WDFY1: variants seen among roughly 807,000 people sequenced by gnomAD.
The protein encoded by WDFY1 is WD repeat and FYVE domain containing 1, also known as WD repeat and FYVE domain-containing protein 1.
A neutral mutation model predicts 56.4 loss-of-function variants in WDFY1; 32 were observed. The ratio of observed to expected loss-of-function variants is 0.57; its 90% CI spans 0.43 to 0.76. WDFY1 has a LOEUF of 0.76. Among genes scored for constraint, WDFY1 ranks in the 30% least tolerant of loss-of-function variants. The pLI is 0.00. For synonymous variants in WDFY1, 192 were observed against 197.3 expected, an observed-to-expected ratio of 0.97 and a Z score of 0.23; for missense variants, 480 against 545.7, an observed-to-expected ratio of 0.88 and a Z score of 1.20.
chr2:223,919,471 A>G (rs1231538464), intron 1 of WDFY1, among the ~76,000 whole-genome samples: 1 of 152,208 alleles, frequency 6.6e-6, no homozygotes, highest in Admixed American at 6.5e-5. Flanking sequence ...TTGGCCTTCC[A>G]AAGTGCTGGG....
chr2:223,942,965 G>C (rs1195922874), intron 1 of WDFY1, among the ~76,000 whole-genome samples: 6 of 150,734 alleles, frequency 4.0e-5, no homozygotes, highest in Non-Finnish European at 7.4e-5. Context: ...GGTGGATCAC[G>C]AGGTCAGGAG....
At position 223,945,257 on chromosome 2, in the gene WDFY1, G is replaced by C. The variant is rs1359344785; in HGVS notation, c.28C>G (p.Gln10Glu). 1 of 1,584,758 alleles carries C rather than the reference G, an allele frequency of 6.3e-7. No homozygotes were observed. Among genetic ancestry groups the C allele is most frequent in the Non-Finnish European group, 8.5e-7 (1 of 1,170,724 alleles). MAAEIHSRP[Q>E]SSRPVLLSKI... Reference sequence around the variant, plus strand: ...CTCAGCAGCACCGGGCGGCTGCTCTGCGGCCTGGAGTGGATTTCGGCCGCC... The same window carrying C: ...CTCAGCAGCACCGGGCGGCTGCTCTCCGGCCTGGAGTGGATTTCGGCCGCC... Residue 10 changes from glutamine to glutamate, a missense_variant, in exon 1 of 12, where the codon CAG becomes GAG. Transcript: ENST00000233055.
intron 8 of WDFY1, among the ~76,000 whole-genome samples, chr2:223,890,578 T>C (rs549749267): frequency 1.3e-5 from 2 of 152,326 alleles, no homozygotes; most frequent in East Asian, 3.9e-4. Flanking sequence ...GAGCCATCCT[T>C]ATACTTATTA....
chr2:223,912,154 T>C (rs1336365976), intron 3 of WDFY1, 99 bp downstream of exon 3: 23 of 1,219,532 alleles, frequency 1.9e-5, no homozygotes, highest in Non-Finnish European at 2.5e-5. Context: ...CGAGCATCCA[T>C]TGTTAATCCA....
Position 223,894,294 on chromosome 2 carries a change from G to C in WDFY1, c.771C>G (p.Leu257=). The change falls in exon 8 of 12, where the codon CTC becomes CTG. Residue 257 remains leucine (L), a synonymous_variant. Coordinates refer to ENST00000233055, the MANE Select transcript of WDFY1 (RefSeq NM_020830.5). Reference sequence around the variant, plus strand: ...TTCCGCCGTCCGAGGAACAGGAGACGAGCTGCCTGGTGAGCTGAAGGTAGC... The same window carrying C: ...TTCCGCCGTCCGAGGAACAGGAGACCAGCTGCCTGGTGAGCTGAAGGTAGC... ...SLCYLQLTRQ[L]VSCSSDGGIA... 1 of 1,614,192 alleles carries C rather than the reference G, an allele frequency of 6.2e-7. No individual in the cohort carries two copies. Among genetic ancestry groups the C allele is most frequent in the South Asian group, 1.1e-5 (1 of 91,076 alleles).
intron 1 of WDFY1, among the ~76,000 whole-genome samples, chr2:223,942,552 G>A (rs1335582127): frequency 7.9e-5 from 2 of 25,326 alleles, no homozygotes; most frequent in African/African-American, 1.7e-4. Flanking sequence ...TTTTTGAGAC[G>A]GAGTCTCGCT....
chr2:223,918,855 T>C (rs557628158), intron 1 of WDFY1, among the ~76,000 whole-genome samples: 1 of 152,144 alleles, frequency 6.6e-6, no homozygotes, highest in Non-Finnish European at 1.5e-5. Flanking sequence ...GGCTTGGGCA[T>C]GGCAATTCTG....
intron 1 of WDFY1, among the ~76,000 whole-genome samples, chr2:223,923,116 T>G (rs966307535): frequency 2.0e-5 from 3 of 152,232 alleles, no homozygotes; most frequent in Non-Finnish European, 4.4e-5. Context: ...CCTGGATGGT[T>G]GGCGCTACCT....
intron 1 of WDFY1, among the ~76,000 whole-genome samples, chr2:223,936,391 T>C (rs901844024): frequency 1.3e-5 from 2 of 151,912 alleles, no homozygotes; most frequent in African/African-American, 2.4e-5. Context: ...CATGATTAAA[T>C]AAGGAGCTAA....
At chr2:223,934,732 G>A (rs1694140698) in intron 1 of WDFY1, among the ~76,000 whole-genome samples, 1 of 152,074 alleles carries the variant, frequency 6.6e-6, no homozygotes, top group African/African-American at 2.4e-5. Flanking sequence ...TGTTGGCCAG[G>A]CTGGTCTCCA....
intron 9 of WDFY1, 44 bp from the exon 10 acceptor site, chr2:223,882,116 G>A (rs777319609): frequency 3.0e-5 from 48 of 1,589,510 alleles, no homozygotes; most frequent in Admixed American, 8.6e-5. Flanking sequence ...GTTAGCTTTC[G>A]CTTTTTGTTT....
At chr2:223,933,778 G>A (rs190895121) in intron 1 of WDFY1, among the ~76,000 whole-genome samples, 30 of 142,962 alleles carry the variant, frequency 2.1e-4, no homozygotes, top group Non-Finnish European at 3.5e-4. Context: ...GCAACATAGT[G>A]AGACCCCCCC....
chr2:223,940,945 CCCAAGTAGCTGGGATTACAGGCATGTG>C (rs1574785157), intron 1 of WDFY1, among the ~76,000 whole-genome samples: 1 of 152,216 alleles, frequency 6.6e-6, no homozygotes, highest in East Asian at 1.9e-4. Context: ...GCCTCAGCCT[CCCAAGTAGCTGGGATTACAGGCATGTG>C]CCACCACGCC....
chr2:223,895,526 TC>T lies in WDFY1; in HGVS notation c.702del (p.Thr235ArgfsTer64), dbSNP rs747029103. On this transcript the variant is annotated frameshift_variant, in exon 7 of 12. Coordinates refer to ENST00000233055, the MANE Select transcript of WDFY1 (RefSeq NM_020830.5). LOFTEE classifies it high-confidence loss of function. ...IMWDIGGRKG[R>X]TLLLQGHHDK... is the part of the protein sequence containing the mutation. The stretch of plus-strand genomic sequence containing the variant: ...CACTGATGGCCCTGAAGTAACAGCG[TC>T]CGGCCTTTCCTTCCTCCGATGTCCC... The T allele has an allele frequency of 6.2e-7, 1 of 1,614,010 alleles. No individual in the cohort carries two copies. Among genetic ancestry groups the T allele is most frequent in the Non-Finnish European group, 8.5e-7 (1 of 1,179,940 alleles).
chr2:223,935,944 G>A (rs2106103582), intron 1 of WDFY1, among the ~76,000 whole-genome samples: 1 of 152,176 alleles, frequency 6.6e-6, no homozygotes, highest in South Asian at 2.1e-4. Flanking sequence ...TGTACCAGGT[G>A]TGAGTGGGAC....
chr2:223,944,937 C>CG (rs1298316688), intron 1 of WDFY1, among the ~76,000 whole-genome samples: 1 of 151,830 alleles, frequency 6.6e-6, no homozygotes, highest in South Asian at 2.1e-4. Context: ...GCGGCGAGAC[C>CG]GGGGTCCCAG....
At chr2:223,894,781 T>G (rs1026526197) in intron 7 of WDFY1, among the ~76,000 whole-genome samples, 1 of 152,032 alleles carries the variant, frequency 6.6e-6, no homozygotes, top group African/African-American at 2.4e-5. Flanking sequence ...CACACACAGA[T>G]GGGGTAAAGA....
intron 8 of WDFY1, among the ~76,000 whole-genome samples, chr2:223,886,822 T>C (rs567418081): frequency 2.0e-5 from 3 of 150,902 alleles, no homozygotes; most frequent in East Asian, 1.9e-4. Context: ...TTCTAAAATA[T>C]ATATTAATAT....
At chr2:223,917,020 G>T (rs1263412208) in intron 2 of WDFY1, among the ~76,000 whole-genome samples, 1 of 151,824 alleles carries the variant, frequency 6.6e-6, no homozygotes, top group Non-Finnish European at 1.5e-5. Context: ...CATCATGTTG[G>T]CCAGGCTGGT....
Sources: allele counts gnomAD v4.1 joint callset (sites outside exome capture counted in the v4.1 genomes callset), GRCh38; gene constraint gnomAD v4.1.1; transcripts MANE v1.5; gene names NCBI Gene and HGNC (gene_info 2026-07-23, HGNC 2026-07-21).